TSEN2: variants seen among roughly 807,000 people sequenced by gnomAD.
TSEN2 encodes the protein tRNA splicing endonuclease subunit 2.
Under a neutral mutation model 59.2 loss-of-function variants are expected in TSEN2, and 54 were observed. That is an observed-to-expected ratio of 0.91 (90% confidence interval 0.73 to 1.14). The LOEUF is 1.14. Among genes scored for constraint, TSEN2 ranks in the 50% most tolerant of loss-of-function variants. The pLI is 0.00. For synonymous variants in TSEN2, 195 were observed against 198.2 expected (o/e 0.98, Z 0.14); for missense variants, 636 against 576.2 (o/e 1.10, Z -1.06).
chr3:12,484,600 C>T lies in TSEN2; in HGVS notation c.-298C>T, dbSNP rs2052395114. The T allele has an allele frequency of 6.6e-6, 1 of 152,346 alleles. No homozygotes were observed. Among genetic ancestry groups the T allele is most frequent in the African/African-American group, 2.4e-5 (1 of 41,476 alleles). 9.4% of individuals were successfully genotyped at this position (152,346 alleles called of 1,614,324 possible). ...AAGGAAATCTCGCTCTTCCGAAAGT[C>T]CTCCAGGGCGAGAGAGGAAAGGGCC... On this transcript the variant is annotated 5_prime_UTR_variant, in exon 1 of 12. Coordinates refer to ENST00000284995, the MANE Select transcript of TSEN2 (RefSeq NM_025265.4).
chr3:12,532,619 C>T (rs752887412), intron 11 of TSEN2, 43 bp from the exon 12 acceptor site: 22 of 1,605,844 alleles, frequency 1.4e-5, no homozygotes, highest in Admixed American at 3.3e-5. Flanking sequence ...AATGGTCTTA[C>T]ATTTCTGTTT....
At chr3:12,486,359 G>A (rs1452367464) in intron 1 of TSEN2, among the ~76,000 whole-genome samples, 1 of 152,214 alleles carries the variant, frequency 6.6e-6, no homozygotes, top group Non-Finnish European at 1.5e-5. Context: ...GTTCAGCACA[G>A]GAGGACTCTT....
chr3:12,515,338 T>C (rs2125129694), intron 6 of TSEN2, among the ~76,000 whole-genome samples: 1 of 152,314 alleles, frequency 6.6e-6, no homozygotes, highest in African/African-American at 2.4e-5. Context: ...GCCTCAAAGC[T>C]TATGACAGGG....
intron 10 of TSEN2, chr3:12,539,130 CTTTTTTCTTTTT>C (rs2057751276): frequency 4.6e-6 from 2 of 432,252 alleles, no homozygotes; most frequent in Non-Finnish European, 9.1e-6. Context: ...TTACCATGTG[CTTTTTTCTTTTT>C]TTTTTTCTTG....
chr3:12,519,135 A>C lies in TSEN2; in HGVS notation c.1037A>C (p.Tyr346Ser). 6.2e-7 allele frequency: 1 copy of C among 1,614,222 alleles called. No homozygotes were observed. Among genetic ancestry groups the C allele is most frequent in the East Asian group, 2.2e-5 (1 of 44,890 alleles). Residue 346 changes from tyrosine to serine, a missense_variant, in exon 8 of 12, where the codon TAC becomes TCC. By Grantham distance (144) the Tyr-to-Ser change is moderately radical. Transcript: ENST00000284995. ...ACGTTCAGAACCACCTACATGGCCT[A>C]CCATTACTTTCGAAGCAAGGGCTGG... ...QPTFRTTYMA[Y>S]HYFRSKGWVP... is the part of the protein sequence containing the mutation.
chr3:12,518,738 G>T (rs1368660537), intron 7 of TSEN2, among the ~76,000 whole-genome samples: 1 of 147,884 alleles, frequency 6.8e-6, no homozygotes, highest in Non-Finnish European at 1.5e-5. Context: ...TAGGAAGTCA[G>T]TGTATATTTT....
chr3:12,505,959 T>C, intron 6 of TSEN2, among the ~76,000 whole-genome samples: 1 of 151,884 alleles, frequency 6.6e-6, no homozygotes, highest in East Asian at 1.9e-4. Context: ...AGTGAGACTC[T>C]GTGTCAAACA....
chr3:12,481,417 A>G (rs1444661357), upstream of TSEN2, among the ~76,000 whole-genome samples: 1 of 152,270 alleles, frequency 6.6e-6, no homozygotes, highest in Non-Finnish European at 1.5e-5. Context: ...GCAGGTGAAC[A>G]AGGAGACTCT....
At chr3:12,510,126 C>T (rs1485394376) in intron 6 of TSEN2, among the ~76,000 whole-genome samples, 3 of 152,154 alleles carry the variant, frequency 2.0e-5, no homozygotes, top group African/African-American at 4.8e-5. Flanking sequence ...GAAAAGCCAC[C>T]ATTGAATTGA....
upstream of TSEN2, among the ~76,000 whole-genome samples, chr3:12,482,118 A>G (rs765773219): frequency 2.8e-4 from 42 of 152,150 alleles, no homozygotes; most frequent in Admixed American, 2.6e-4. Context: ...TGAAGGTTGT[A>G]GAAGCGATTT....
intron 7 of TSEN2, 130 bp downstream of exon 7, chr3:12,516,791 C>A (rs1021616168): frequency 1.9e-5 from 20 of 1,042,572 alleles, no homozygotes; most frequent in Admixed American, 1.1e-4. Flanking sequence ...TTGAATTTTT[C>A]TCTAAAGTTT....
intron 4 of TSEN2, among the ~76,000 whole-genome samples, chr3:12,500,702 C>T (rs1294171392): frequency 2.6e-5 from 4 of 152,176 alleles, no homozygotes; most frequent in Admixed American, 6.5e-5. Flanking sequence ...ATGCACTTTA[C>T]GTGTCTTATT....
rs1301477658 is a variant in TSEN2 at position 12,489,990 on chromosome 3, G to GT, written c.189+2dup. On this transcript the variant is annotated splice_donor_variant, in intron 2 of 11. Transcript: ENST00000284995. LOFTEE classifies it high-confidence loss of function. ...GGACATTGAGCAGCTCTATGGGAAA[G>GT]TAAGTGCAGGCAGCCTTGGTAAGAT... is the stretch of plus-strand genomic sequence containing the variant. 1 of 1,613,976 alleles carries GT rather than the reference G, an allele frequency of 6.2e-7. No homozygotes were observed. The highest frequency in any genetic ancestry group is 8.5e-7 in the Non-Finnish European group (1 of 1,179,964).
rs182150418 is a variant in TSEN2 at position 12,510,592 on chromosome 3, G to A, written c.909+5361G>A. Among the ~76,000 whole-genome samples the A allele has an allele frequency of 1.4e-3, 209 of 152,256 alleles. 2 individuals carry two copies. Among genetic ancestry groups the A allele is most frequent in the Non-Finnish European group, 9.3e-4 (63 of 68,012 alleles). On this transcript the variant is annotated intron_variant, in intron 6 of 11. Coordinates refer to ENST00000284995, the MANE Select transcript of TSEN2 (RefSeq NM_025265.4). ...ACAGCAGCAGTCTCAGTCAGATCTC[G>A]TTTACGCATCGTCTTGTGCCCGGCT... is the stretch of plus-strand genomic sequence containing the variant.
Position 12,532,730 on chromosome 3 carries a change from C to T in TSEN2, c.*9C>T. 1 of 1,613,824 alleles carries T rather than the reference C, an allele frequency of 6.2e-7. No homozygotes were observed. Among genetic ancestry groups the T allele is most frequent in the South Asian group, 1.1e-5 (1 of 91,072 alleles). On this transcript the variant is annotated 3_prime_UTR_variant, in exon 12 of 12. Transcript: ENST00000284995. ...ACCAAGACGATCTTTAACAATTCAA[C>T]CTCAAATTTCTAATTTCACCAACAA...
intron 6 of TSEN2, chr3:12,505,511 G>A (rs1208341868): frequency 5.6e-6 from 2 of 356,706 alleles, no homozygotes; most frequent in Admixed American, 4.0e-5. Flanking sequence ...TTGTTAGGCC[G>A]GGTGCGGGGG....
chr3:12,492,256 A>G (rs1473754448), intron 3 of TSEN2, 39 bp downstream of exon 3: 1 of 1,533,326 alleles, frequency 6.5e-7, no homozygotes, highest in Admixed American at 1.7e-5. Flanking sequence ...TGACAAATTA[A>G]TCATTTTCCT....
In TSEN2 at chr3:12,492,310, A is replaced by G. The variant is rs371744594; in HGVS notation, c.271+93A>G. On this transcript the variant is annotated intron_variant, in intron 3 of 11. Transcript: ENST00000284995. ...CTCAGGCTATATAGTAAAATTCTAG[A>G]GAAGTAACATGTACACTGGCAGTTT... is the stretch of plus-strand genomic sequence containing the variant. 5.2e-5 allele frequency: 59 copies of G among 1,133,080 alleles called. No individual in the cohort carries two copies. In the African/African-American group the frequency reaches 7.4e-4, roughly 14 times the overall value. 70.2% of individuals were successfully genotyped at this position (1,133,080 alleles called of 1,614,324 possible). A position where few individuals can be genotyped will look rare whatever the true frequency, so the allele number is the denominator to read the frequency against.
chr3:12,529,629 G>A (rs990387139), intron 9 of TSEN2, 133 bp from the exon 10 acceptor site: 30 of 775,904 alleles, frequency 3.9e-5, no homozygotes, highest in African/African-American at 3.9e-4. Flanking sequence ...TTTCTCAATA[G>A]CAATTTAGGG....
Sources: gnomAD v4.1 joint callset for allele counts (sites outside exome capture counted in the v4.1 genomes callset) on GRCh38, gnomAD v4.1.1 for gene constraint, MANE v1.5 for transcripts, NCBI Gene and HGNC (gene_info 2026-07-23, HGNC 2026-07-21) for gene names.